The following F5 variants were observed in gnomAD, a reference collection of about 807,000 sequenced individuals.
The protein encoded by F5 is coagulation factor V.
In F5, 138 loss-of-function variants were observed where a neutral mutation model predicts 216.4. The observed-to-expected ratio is 0.64, with a 90% CI of 0.56 to 0.73. F5 has a LOEUF of 0.73. Ranked by LOEUF, F5 falls within the 30% of genes least tolerant of loss-of-function variation. The pLI is 0.00. For synonymous variants in F5, 916 were observed against 930.7 expected, an observed-to-expected ratio of 0.98 and a Z score of 0.29; for missense variants, 2,403 against 2,674.0, an observed-to-expected ratio of 0.90 and a Z score of 2.24.
At chr1:169,560,508 C>T (rs1471597030) in intron 4 of F5, 46 bp downstream of exon 4, 1 of 1,587,306 alleles carries the variant, frequency 6.3e-7, no homozygotes, top group Admixed American at 1.7e-5. Context: ...AACTCCTGAC[C>T]ATTCCAACAT....
chr1:169,542,178 C>T lies in F5; in HGVS notation c.2912G>A (p.Trp971Ter). Reference sequence around the variant, plus strand: ...TGAGGCATTCTGGGGGCTGATCAGCCAATTGTTAACAGCTGTGTCTTCATC... The same window carrying T: ...TGAGGCATTCTGGGGGCTGATCAGCTAATTGTTAACAGCTGTGTCTTCATC... ...DTDEDTAVNN[W>*]LISPQNASRA... The change falls in exon 13 of 25, where the codon TGG (tryptophan) becomes TAG (stop). Residue 971 changes from tryptophan (W) to a stop codon, truncating the protein, a stop_gained. Coordinates refer to ENST00000367797, the MANE Select transcript of F5 (RefSeq NM_000130.5). LOFTEE classifies it high-confidence loss of function. The T allele has an allele frequency of 6.2e-7, 1 of 1,614,030 alleles. No homozygotes were observed. The highest frequency in any genetic ancestry group is 1.3e-5 in the African/African-American group (1 of 75,018).
Position 169,541,276 on chromosome 1 carries a change from C to A in F5, c.3814G>T (p.Gly1272Cys). The change falls in exon 13 of 25, where the codon GGT becomes TGT. Residue 1272 changes from glycine to cysteine, a missense_variant. This residue lies in a region of F5 where 1,425 missense variants were observed against 1,554.8 expected (regional missense o/e 0.92). Coordinates refer to ENST00000367797, the MANE Select transcript of F5 (RefSeq NM_000130.5). ...AGGTCTGGAGAAAGGGGCATCTGACCGAGGGCTGGAGAAAGGTTTGTCTGA... is the reference window on the plus strand; with the variant it reads ...AGGTCTGGAGAAAGGGGCATCTGACAGAGGGCTGGAGAAAGGTTTGTCTGA... ...LSQTNLSPAL[G>C]QMPLSPDLSH... 6.5e-7 allele frequency: 1 copy of A among 1,535,146 alleles called. No homozygotes were observed. Among genetic ancestry groups the A allele is most frequent in the Non-Finnish European group, 8.8e-7 (1 of 1,135,380 alleles).
At chr1:169,521,898 C>T (rs898000109) in intron 21 of F5, among the ~76,000 whole-genome samples, 1 of 151,482 alleles carries the variant, frequency 6.6e-6, no homozygotes, top group East Asian at 2.0e-4. Context: ...GGATTACAGA[C>T]GTGAGCCACT....
At chr1:169,520,739 T>C in intron 21 of F5, 75 bp from the exon 22 acceptor site, 3 of 1,262,058 alleles carry the variant, frequency 2.4e-6, no homozygotes, top group Non-Finnish European at 3.4e-6. Flanking sequence ...TTTGATCTAA[T>C]TTAATATTGT....
At chr1:169,521,625 T>C (rs1449559953) in intron 21 of F5, among the ~76,000 whole-genome samples, 1 of 143,266 alleles carries the variant, frequency 7.0e-6, no homozygotes, top group Admixed American at 7.1e-5. Context: ...ATTTTTTTTT[T>C]TTTTTTTTTT....
chr1:169,581,086 T>G (rs567068373), intron 2 of F5, among the ~76,000 whole-genome samples: 1 of 152,244 alleles, frequency 6.6e-6, no homozygotes, highest in South Asian at 2.1e-4. Context: ...AGCCTTGGTT[T>G]TGGGTGAGAT....
chr1:169,575,918 T>TG (rs1557932898), intron 2 of F5, among the ~76,000 whole-genome samples: 1 of 152,140 alleles, frequency 6.6e-6, no homozygotes, highest in African/African-American at 2.4e-5. Flanking sequence ...GAGATTCTTC[T>TG]GGGCTGTCCA....
intron 14 of F5, among the ~76,000 whole-genome samples, chr1:169,534,850 A>G (rs1160418475): frequency 6.6e-6 from 1 of 152,176 alleles, no homozygotes; most frequent in Non-Finnish European, 1.5e-5. Flanking sequence ...CTACGCAGCC[A>G]TAACAAAGAC....
In F5 at chr1:169,541,503, G is replaced by A. The variant is rs1239361828; in HGVS notation, c.3587C>T (p.Ser1196Phe). ...GAGGTTTGTCTGGCTGAGTTCTGGA[G>A]AGAGGGTCACCTGGCTGAGGTCTGG... is the stretch of plus-strand genomic sequence containing the variant. ...ISPDLSQVTL[S>F]PELSQTNLSP... Residue 1196 changes from serine (S) to phenylalanine (F), a missense_variant, in exon 13 of 25, where the codon TCT becomes TTT. By Grantham distance (155) the Ser-to-Phe change is radical (BLOSUM62 -2). This residue lies in a region of F5 where 1,425 missense variants were observed against 1,554.8 expected (regional missense o/e 0.92). Transcript: ENST00000367797. 4 of 1,614,166 alleles carry A rather than the reference G, an allele frequency of 2.5e-6. No individual in the cohort carries two copies. Among genetic ancestry groups the A allele is most frequent in the Non-Finnish European group, 3.4e-6 (4 of 1,180,008 alleles).
At chr1:169,537,631 C>CA (rs919422249) in intron 13 of F5, among the ~76,000 whole-genome samples, 53 of 151,954 alleles carry the variant, frequency 3.5e-4, no homozygotes, top group African/African-American at 6.5e-4. Context: ...CTCAATTCAG[C>CA]AAAAAACCCA....
chr1:169,572,954 T>A (rs1329100484), intron 2 of F5, among the ~76,000 whole-genome samples: 2 of 142,048 alleles, frequency 1.4e-5, no homozygotes, highest in Non-Finnish European at 3.0e-5. Flanking sequence ...GCATTTTTCT[T>A]TTTTTTTTTG....
At chr1:169,521,795 A>G (rs1659315765) in intron 21 of F5, among the ~76,000 whole-genome samples, 1 of 151,050 alleles carries the variant, frequency 6.6e-6, no homozygotes, top group Non-Finnish European at 1.5e-5. Context: ...TTTTTTTAAT[A>G]TTTTTAGTAG....
intron 2 of F5, among the ~76,000 whole-genome samples, chr1:169,582,208 G>A (rs1425799755): frequency 6.6e-6 from 1 of 151,992 alleles, no homozygotes; most frequent in South Asian, 2.1e-4. Flanking sequence ...CCCTGGCTTG[G>A]TTTAATGCTT....
chr1:169,573,585 C>T (rs1660777521), intron 2 of F5, among the ~76,000 whole-genome samples: 1 of 152,108 alleles, frequency 6.6e-6, no homozygotes, highest in South Asian at 2.1e-4. Context: ...ATCAGAACAA[C>T]TGGGTAAATG....
At position 169,520,591 on chromosome 1, in the gene F5, A is replaced by G. The variant is rs1364834534; in HGVS notation, c.6122T>C (p.Ile2041Thr). The change falls in exon 22 of 25, where the codon ATT becomes ACT. Residue 2041 changes from isoleucine to threonine, a missense_variant. Transcript: ENST00000367797. ...ATAGGCTCGAGTTGGAGAGATCCTA[A>G]TATATCTAGCCACAATAGGTGGGTC... ...QFDPPIVARY[I>T]RISPTRAYNR... 6.2e-7 allele frequency: 1 copy of G among 1,613,980 alleles called. No individual in the cohort carries two copies. The highest frequency in any genetic ancestry group is 1.7e-5 in the Admixed American group (1 of 60,022).
chr1:169,550,270 T>C lies in F5; in HGVS notation c.1397-255A>G, dbSNP rs1988607. On this transcript the variant is annotated intron_variant, in intron 9 of 24. Transcript: ENST00000367797. ...ACATTAGGTATATCTCCTAATGCTA[T>C]CCCTCCCCCCGCCCCCCACCCCCCC... Among the ~76,000 whole-genome samples, 28,595 of 88,894 alleles carry C rather than the reference T, an allele frequency of 0.32. 3,834 individuals carry two copies. Among genetic ancestry groups the C allele is most frequent in the South Asian group, 0.44 (1,010 of 2,290 alleles). 58.3% of individuals were successfully genotyped at this position (88,894 alleles called of 152,430 possible).
chr1:169,524,769 G>T, intron 19 of F5, 68 bp downstream of exon 19: 1 of 1,263,748 alleles, frequency 7.9e-7, no homozygotes, highest in Non-Finnish European at 1.2e-6. Context: ...TGTCATGTAT[G>T]GTTTCATAGG....
At chr1:169,518,683 A>T in intron 22 of F5, 120 bp from the exon 23 acceptor site, 1 of 1,105,954 alleles carries the variant, frequency 9.0e-7, no homozygotes, top group Non-Finnish European at 1.3e-6. Flanking sequence ...AATAACCACA[A>T]CAATGAAGAT....
intron 10 of F5, among the ~76,000 whole-genome samples, chr1:169,548,627 G>A (rs966584233): frequency 6.6e-6 from 1 of 152,114 alleles, no homozygotes; most frequent in African/African-American, 2.4e-5. Flanking sequence ...CAGCACTTTG[G>A]GAGGCTGAGG....
Sources: gnomAD v4.1 joint callset for allele counts (sites outside exome capture counted in the v4.1 genomes callset) on GRCh38, gnomAD v4.1.1 for gene constraint, gnomAD v4.1.1 regional missense constraint, MANE v1.5 for transcripts, NCBI Gene and HGNC (gene_info 2026-07-23, HGNC 2026-07-21) for gene names.